Variants in DNAH5 observed in about 807,000 individuals in gnomAD.
The protein encoded by DNAH5 is axonemal beta dynein heavy chain 5.
Under a neutral mutation model 518.2 loss-of-function variants are expected in DNAH5, and 372 were observed. The observed-to-expected ratio is 0.72, with a 90% CI of 0.66 to 0.78. DNAH5 has a LOEUF of 0.78. DNAH5 is among the 30% of genes least tolerant of loss of function. The pLI is 0.00. For synonymous variants in DNAH5, 2,039 were observed against 2,025.9 expected (o/e 1.01, Z -0.17); for missense variants, 5,523 against 5,687.0 (o/e 0.97, Z 0.93).
chr5:13,881,376 T>C (rs764394201), intron 21 of DNAH5, among the ~76,000 whole-genome samples: 5 of 152,022 alleles, frequency 3.3e-5, no homozygotes, highest in Non-Finnish European at 5.9e-5. Context: ...ATTCTCTCTA[T>C]GGTAGATCAT....
intron 75 of DNAH5, among the ~76,000 whole-genome samples, chr5:13,711,305 C>T (rs1365618865): frequency 6.6e-6 from 1 of 152,132 alleles, no homozygotes; most frequent in Non-Finnish European, 1.5e-5. Flanking sequence ...AAGCATTCAA[C>T]AAAATCCAGC....
chr5:13,882,665 A>C (rs1025770763), intron 21 of DNAH5, 63 bp downstream of exon 21: 19 of 1,314,364 alleles, frequency 1.4e-5, no homozygotes, highest in Non-Finnish European at 2.1e-5. Flanking sequence ...GGGTTAAAAA[A>C]CATTTAAGCT....
intron 74 of DNAH5, 24 bp downstream of exon 74, chr5:13,716,463 C>T: frequency 3.2e-6 from 5 of 1,558,088 alleles, no homozygotes; most frequent in Non-Finnish European, 4.4e-6. Context: ...TTGCTCTATG[C>T]ATAAAATTCT....
chr5:13,779,609 A>G (rs1561237636), intron 53 of DNAH5, among the ~76,000 whole-genome samples: 1 of 152,062 alleles, frequency 6.6e-6, no homozygotes, highest in African/African-American at 2.4e-5. Flanking sequence ...ATTCTGTTTC[A>G]CCTCTCCAAA....
chr5:13,930,418 C>A (rs2152007577), intron 2 of DNAH5, among the ~76,000 whole-genome samples: 1 of 152,260 alleles, frequency 6.6e-6, no homozygotes, highest in African/African-American at 2.4e-5. Flanking sequence ...ACAAGACTAC[C>A]ACTGAAAAGA....
At chr5:13,714,729 G>T in intron 74 of DNAH5, 109 bp from the exon 75 acceptor site, 1 of 1,021,220 alleles carries the variant, frequency 9.8e-7, no homozygotes, top group Non-Finnish European at 1.5e-6. Context: ...ATTTACTTAA[G>T]TCTTATTGGT....
At chr5:13,869,131 G>T (rs116654921) in intron 24 of DNAH5, among the ~76,000 whole-genome samples, 1 of 152,228 alleles carries the variant, frequency 6.6e-6, no homozygotes, top group Non-Finnish European at 1.5e-5. Context: ...TGGACCATGT[G>T]ATCCCCCTGG....
At chr5:13,957,546 T>A (rs182223562) in intron 1 of DNAH5, among the ~76,000 whole-genome samples, 104 of 152,094 alleles carry the variant, frequency 6.8e-4, no homozygotes, top group African/African-American at 2.4e-3. Flanking sequence ...TCTATCTATA[T>A]CATATGGCCC....
rs1048750508 is a variant in DNAH5 at position 13,855,203 on chromosome 5, CAT to C, written c.4950+4247_4950+4248del. Among the ~76,000 whole-genome samples the C allele has an allele frequency of 7.2e-5, 5 of 69,728 alleles. 1 individual carries two copies. The highest frequency in any genetic ancestry group is 1.5e-4 in the Non-Finnish European group (5 of 34,200). 45.7% of individuals were successfully genotyped at this position (69,728 alleles called of 152,430 possible). ...ACATAGATTTTCATCATAAATCTTACATTTTTTTTTTTTTTTTTTTTTTGAGA... is the reference window on the plus strand; with the variant it reads ...ACATAGATTTTCATCATAAATCTTACTTTTTTTTTTTTTTTTTTTTTGAGA... On this transcript the variant is annotated intron_variant, in intron 30 of 78. Coordinates refer to ENST00000265104, the MANE Select transcript of DNAH5 (RefSeq NM_001369.3).
intron 74 of DNAH5, 112 bp downstream of exon 74, chr5:13,716,375 T>A (rs1744281579): frequency 2.6e-6 from 2 of 765,000 alleles, no homozygotes; most frequent in Non-Finnish European, 4.6e-6. Context: ...AGCATTAGTA[T>A]ATATCACCAT....
chr5:13,983,971 G>GTT (rs2152068953), intron 1 of DNAH5, among the ~76,000 whole-genome samples: 1 of 152,280 alleles, frequency 6.6e-6, no homozygotes, highest in South Asian at 2.1e-4. Context: ...TTTCAGTTAC[G>GTT]TTAGGTGGGA....
At chr5:13,713,442 T>TATATATATATATATACATCGAC (rs1743857978) in intron 75 of DNAH5, among the ~76,000 whole-genome samples, 1 of 123,210 alleles carries the variant, frequency 8.1e-6, no homozygotes, top group African/African-American at 3.6e-5. Context: ...GACATATATA[T>TATATATATATATATACATCGAC]ATATATATAT....
intron 1 of DNAH5, among the ~76,000 whole-genome samples, chr5:13,989,622 T>C (rs1783361674): frequency 1.3e-5 from 2 of 151,952 alleles, no homozygotes; most frequent in South Asian, 2.1e-4. Flanking sequence ...TAGCTGGGAC[T>C]ACAGGCGCCC....
intron 55 of DNAH5, among the ~76,000 whole-genome samples, chr5:13,774,733 T>C (rs1434391942): frequency 6.6e-6 from 1 of 152,116 alleles, no homozygotes; most frequent in Non-Finnish European, 1.5e-5. Flanking sequence ...TAATCTTGGT[T>C]TGTGTTGGTG....
intron 16 of DNAH5, 89 bp downstream of exon 16, chr5:13,894,561 A>G: frequency 4.3e-6 from 6 of 1,390,816 alleles, no homozygotes; most frequent in Admixed American, 1.7e-5. Context: ...TTCATTATTT[A>G]TATCTCCATA....
At chr5:13,969,532 T>G (rs1781742372) in intron 1 of DNAH5, among the ~76,000 whole-genome samples, 1 of 152,186 alleles carries the variant, frequency 6.6e-6, no homozygotes, top group African/African-American at 2.4e-5. Context: ...TTCAATGAAT[T>G]TTTTAATTTC....
chr5:13,931,158 CAAACAGGA>C lies in DNAH5; in HGVS notation c.136_143del (p.Ser46GlyfsTer13), dbSNP rs1268041145. On this transcript the variant is annotated frameshift_variant, in exon 2 of 79. Transcript: ENST00000265104. LOFTEE classifies it high-confidence loss of function. ...CCTCCACTTCGGTTTTGTTCAGGTC[CAAACAGGA>C]AGCCACAATTGCAAATAAGTAGTTA... is the stretch of plus-strand genomic sequence containing the variant. The C allele has an allele frequency of 1.2e-6, 2 of 1,614,000 alleles. No homozygotes were observed. Among genetic ancestry groups the C allele is most frequent in the African/African-American group, 1.3e-5 (1 of 74,924 alleles).
chr5:14,001,672 TC>T, intron 1 of DNAH5, among the ~76,000 whole-genome samples: 1 of 149,364 alleles, frequency 6.7e-6, no homozygotes, highest in Non-Finnish European at 1.5e-5. Flanking sequence ...CTAGTTTTTT[TC>T]TTTTCTTTTT....
At chr5:13,762,589 T>A in intron 60 of DNAH5, 133 bp downstream of exon 60, 1 of 770,564 alleles carries the variant, frequency 1.3e-6, no homozygotes, top group South Asian at 1.5e-5. Flanking sequence ...GGCCTTTCTA[T>A]GCTCACTCTC....
Sources: allele counts gnomAD v4.1 joint callset (sites outside exome capture counted in the v4.1 genomes callset), GRCh38; gene constraint gnomAD v4.1.1; transcripts MANE v1.5; gene names NCBI Gene and HGNC (gene_info 2026-07-23, HGNC 2026-07-21).